The following ZNF532 variants were observed in gnomAD, a reference collection of about 807,000 sequenced individuals.
ZNF532 encodes the protein zinc finger protein 532.
A neutral mutation model predicts 89.3 loss-of-function variants in ZNF532; 22 were observed. That is an observed-to-expected ratio of 0.25 (90% CI 0.18 to 0.35). The LOEUF is 0.35. Among genes scored for constraint, ZNF532 ranks in the 10% least tolerant of loss-of-function variants. The pLI is 1.00. For missense variants in ZNF532, 1,132 were observed against 1,643.4 expected, an observed-to-expected ratio of 0.69 and a Z score of 5.38; for synonymous variants, 606 against 649.6, an observed-to-expected ratio of 0.93 and a Z score of 1.02.
At chr18:58,920,831 T>C (rs2061010971) in intron 3 of ZNF532, among the ~76,000 whole-genome samples, 198 bp downstream of exon 3, 1 of 148,254 alleles carries the variant, frequency 6.7e-6, no homozygotes, top group Non-Finnish European at 1.5e-5. Context: ...GCCGGGCACA[T>C]GATCCAGTAA....
At chr18:58,924,993 C>T (rs1339887064) in intron 3 of ZNF532, among the ~76,000 whole-genome samples, 1 of 152,054 alleles carries the variant, frequency 6.6e-6, no homozygotes, top group East Asian at 1.9e-4. Context: ...TATGGTTATA[C>T]TATAGTTCAT....
intron 2 of ZNF532, among the ~76,000 whole-genome samples, chr18:58,886,932 C>T (rs2058343953): frequency 6.6e-6 from 1 of 152,132 alleles, no homozygotes; most frequent in South Asian, 2.1e-4. Context: ...GTAGTAATCT[C>T]CTTAGTTGGA....
At chr18:58,933,074 T>C (rs2062092592) in intron 3 of ZNF532, among the ~76,000 whole-genome samples, 1 of 152,198 alleles carries the variant, frequency 6.6e-6, no homozygotes, top group South Asian at 2.1e-4. Context: ...AATGGTTACC[T>C]GTGGTAATGT....
At chr18:58,972,416 T>G (rs2066562585) in intron 7 of ZNF532, among the ~76,000 whole-genome samples, 1 of 152,342 alleles carries the variant, frequency 6.6e-6, no homozygotes, top group South Asian at 2.1e-4. Context: ...TTTTCTCTTT[T>G]ACATTGTGCA....
rs137901012 is a variant in ZNF532, at chr18:58,945,145, C to T, written c.2706-2922C>T. On this transcript the variant is annotated intron_variant, in intron 5 of 9. Coordinates refer to ENST00000591808, the MANE Select transcript of ZNF532 (RefSeq NM_001375912.1). Reference sequence around the variant, plus strand: ...TTGTGCTGCCTTATCAGTGTCCTTCCGTCTGAAGCAGTTGCTCAGTGTCCC... The same window carrying T: ...TTGTGCTGCCTTATCAGTGTCCTTCTGTCTGAAGCAGTTGCTCAGTGTCCC... Among the ~76,000 whole-genome samples the T allele has an allele frequency of 2.4e-3, 361 of 152,316 alleles. 1 individual carries two copies. The highest frequency in any genetic ancestry group is 3.9e-3 in the Non-Finnish European group (268 of 68,030).
chr18:58,963,546 A>G (rs1343206971), intron 7 of ZNF532, among the ~76,000 whole-genome samples: 1 of 152,074 alleles, frequency 6.6e-6, no homozygotes, highest in South Asian at 2.1e-4. Flanking sequence ...GCTTAGAATC[A>G]GATTGACTGA....
At chr18:58,965,960 G>C (rs533732612) in intron 7 of ZNF532, among the ~76,000 whole-genome samples, 113 of 152,258 alleles carry the variant, frequency 7.4e-4, no homozygotes, top group African/African-American at 2.7e-3. Flanking sequence ...TAAAGCAGAG[G>C]CTCTCGAGGC....
Position 58,920,419 on chromosome 18 carries a change from C to G in ZNF532, c.2132C>G (p.Ala711Gly), listed in dbSNP as rs769945980. 1.2e-6 allele frequency: 2 copies of G among 1,613,946 alleles called. No individual in the cohort carries two copies. Among genetic ancestry groups the G allele is most frequent in the Admixed American group, 3.3e-5 (2 of 60,012 alleles). Residue 711 changes from alanine to glycine, a missense_variant, in exon 3 of 10, where the codon GCT becomes GGT. By Grantham distance (60) the Ala-to-Gly change is moderately conservative. Coordinates refer to ENST00000591808, the MANE Select transcript of ZNF532 (RefSeq NM_001375912.1). ...STSTLQSPVG[A>G]GTHTVTKIQS... ...TCCACTCTTCAGAGCCCTGTGGGAG[C>G]TGGCACACACACTGTCACAAAAATT...
At chr18:58,878,056 A>C (rs2057578367) in intron 2 of ZNF532, among the ~76,000 whole-genome samples, 1 of 152,092 alleles carries the variant, frequency 6.6e-6, no homozygotes, top group African/African-American at 2.4e-5. Context: ...GGAGTTCGAG[A>C]CCAGTCTGGC....
chr18:58,895,167 A>G (rs918235283), intron 2 of ZNF532, among the ~76,000 whole-genome samples: 1 of 152,226 alleles, frequency 6.6e-6, no homozygotes, highest in Non-Finnish European at 1.5e-5. Context: ...ATTTTCTGCC[A>G]GGGTGCCAGT....
At chr18:58,867,278 C>G (rs1204757226) in intron 2 of ZNF532, among the ~76,000 whole-genome samples, 1 of 152,142 alleles carries the variant, frequency 6.6e-6, no homozygotes. Context: ...TTCTGGTTTT[C>G]TGTCTTGGTG....
At chr18:58,883,976 C>T (rs942928209) in intron 2 of ZNF532, among the ~76,000 whole-genome samples, 1 of 152,190 alleles carries the variant, frequency 6.6e-6, no homozygotes, top group African/African-American at 2.4e-5. Flanking sequence ...TGTGAAATCC[C>T]CAGAGAAGTA....
rs775692012 is a variant in ZNF532, at chr18:58,918,758, A to G, written c.471A>G (p.Ser157=). 28 of 1,614,068 alleles carry G rather than the reference A, an allele frequency of 1.7e-5. No individual in the cohort carries two copies. The highest frequency in any genetic ancestry group is 1.0e-4 in the Admixed American group (6 of 60,000). The change falls in exon 3 of 10, where the codon TCA becomes TCG. Residue 157 remains serine, a synonymous_variant. Coordinates refer to ENST00000591808, the MANE Select transcript of ZNF532 (RefSeq NM_001375912.1). Reference sequence around the variant, plus strand: ...CCCCTGACAAGGAGGACATGCGATCAAGCTTCAGGTCGAATGTGTTGACGG... The same window carrying G: ...CCCCTGACAAGGAGGACATGCGATCGAGCTTCAGGTCGAATGTGTTGACGG... ...DDPPDKEDMR[S]SFRSNVLTGS...
At chr18:58,982,937 C>A (rs987220140) in intron 9 of ZNF532, among the ~76,000 whole-genome samples, 5 of 152,136 alleles carry the variant, frequency 3.3e-5, no homozygotes. Flanking sequence ...TATGGTGAAA[C>A]CCTGTCTCTA....
chr18:58,972,792 G>A (rs1001407424), intron 7 of ZNF532, among the ~76,000 whole-genome samples: 1 of 152,172 alleles, frequency 6.6e-6, no homozygotes, highest in Non-Finnish European at 1.5e-5. Context: ...GAAATAAGCA[G>A]AGTTCCTCTG....
intron 4 of ZNF532, 66 bp downstream of exon 4, chr18:58,934,680 T>C (rs2062226199): frequency 1.3e-6 from 2 of 1,483,718 alleles, no homozygotes; most frequent in Non-Finnish European, 9.2e-7. Context: ...GCATTTTGAG[T>C]GGTTTGCACA....
At chr18:58,954,935 G>A (rs1408722000) in intron 7 of ZNF532, among the ~76,000 whole-genome samples, 2 of 152,014 alleles carry the variant, frequency 1.3e-5, no homozygotes, top group Admixed American at 1.3e-4. Flanking sequence ...GGCTGGTCTC[G>A]AACTCCTGGC....
chr18:58,900,650 A>G (rs1373606156), intron 2 of ZNF532, among the ~76,000 whole-genome samples: 1 of 152,036 alleles, frequency 6.6e-6, no homozygotes, highest in East Asian at 1.9e-4. Flanking sequence ...CCTCTTCCCC[A>G]AACTTTGTTG....
chr18:58,920,765 T>C, intron 3 of ZNF532, 132 bp downstream of exon 3: 1 of 649,154 alleles, frequency 1.5e-6, no homozygotes. Flanking sequence ...TGTGTGTGTG[T>C]GTGTGTGTGT....
Sources: allele counts gnomAD v4.1 joint callset (sites outside exome capture counted in the v4.1 genomes callset), GRCh38; gene constraint gnomAD v4.1.1; transcripts MANE v1.5; gene names NCBI Gene and HGNC (gene_info 2026-07-23, HGNC 2026-07-21).